Variants in SREK1IP1 observed in about 807,000 individuals in gnomAD.
The protein encoded by SREK1IP1 is SREK1 interacting protein 1.
Under a neutral mutation model 22.8 loss-of-function variants are expected in SREK1IP1, and 12 were observed. That is an observed-to-expected ratio of 0.53 (90% CI 0.34 to 0.85). The LOEUF (loss-of-function observed/expected upper bound fraction) is 0.85. SREK1IP1 is among the 40% of genes least tolerant of loss of function. The pLI is 0.02. For synonymous variants in SREK1IP1, 53 were observed against 52.7 expected (o/e 1.01, Z -0.02); for missense variants, 147 against 171.8 (o/e 0.86, Z 0.81).
intron 1 of SREK1IP1, among the ~76,000 whole-genome samples, chr5:64,755,081 G>C (rs555433801): frequency 6.6e-6 from 1 of 152,262 alleles, no homozygotes; most frequent in Non-Finnish European, 1.5e-5. Flanking sequence ...TGAGGCTGTG[G>C]AGAAATGGTA....
chr5:64,745,225 T>C (rs1477470972), intron 2 of SREK1IP1, among the ~76,000 whole-genome samples: 1 of 152,164 alleles, frequency 6.6e-6, no homozygotes, highest in African/African-American at 2.4e-5. Flanking sequence ...TTTTTCCTCC[T>C]GCATTGTTAC....
At chr5:64,734,063 T>G (rs1306385668) in intron 3 of SREK1IP1, among the ~76,000 whole-genome samples, 1 of 152,054 alleles carries the variant, frequency 6.6e-6, no homozygotes, top group Non-Finnish European at 1.5e-5. Flanking sequence ...ATCAAAGACA[T>G]TATCCTGCTT....
rs1000140548 is a variant in SREK1IP1, at chr5:64,720,894, T to G, written c.*3490A>C. ...CGGAACACACGACTCCTTCCTCCTG[T>G]TCCTAAGAACTTAAAATGGTAGTCT... On this transcript the variant is annotated 3_prime_UTR_variant, in exon 5 of 5. Coordinates refer to ENST00000513458, the MANE Select transcript of SREK1IP1 (RefSeq NM_173829.4). 2.0e-5 allele frequency: 3 copies of G among 152,234 alleles called. No individual in the cohort carries two copies. The highest frequency in any genetic ancestry group is 6.5e-5 in the Admixed American group (1 of 15,280). 9.4% of individuals were successfully genotyped at this position (152,234 alleles called of 1,614,324 possible).
intron 2 of SREK1IP1, among the ~76,000 whole-genome samples, chr5:64,750,301 T>G (rs1186007667): frequency 6.6e-6 from 1 of 152,240 alleles, no homozygotes; most frequent in Non-Finnish European, 1.5e-5. Context: ...TTTTTGATTC[T>G]CATTATGATC....
chr5:64,733,929 T>C (rs2112091292), intron 3 of SREK1IP1, among the ~76,000 whole-genome samples: 1 of 152,120 alleles, frequency 6.6e-6, no homozygotes, highest in Non-Finnish European at 1.5e-5. Context: ...ATTATAAAAA[T>C]AGAGAGCAAA....
intron 2 of SREK1IP1, among the ~76,000 whole-genome samples, chr5:64,743,317 T>C (rs977171919): frequency 2.0e-5 from 3 of 152,196 alleles, no homozygotes; most frequent in African/African-American, 4.8e-5. Context: ...GTTCATAGCC[T>C]AGCAACAATA....
In SREK1IP1 at chr5:64,754,373, A is replaced by G. The variant is rs1742801511; in HGVS notation, c.14-11T>C. On this transcript the variant is annotated splice_polypyrimidine_tract_variant and intron_variant, in intron 1 of 4. Transcript: ENST00000513458. ...TGTCCTTGTTGCAACCTGAAATACA[A>G]TTGGATAGAATTTTAGGAAGTAAAT... The G allele has an allele frequency of 6.2e-7, 1 of 1,612,820 alleles. No homozygotes were observed. The highest frequency in any genetic ancestry group is 8.5e-7 in the Non-Finnish European group (1 of 1,179,170).
At chr5:64,754,233 C>T in intron 2 of SREK1IP1, 82 bp downstream of exon 2, 1 of 1,351,196 alleles carries the variant, frequency 7.4e-7, no homozygotes, top group Non-Finnish European at 1.1e-6. Context: ...CCCCTGAAAT[C>T]AGGGTGCTAC....
At chr5:64,753,566 A>C (rs1048690278) in intron 2 of SREK1IP1, among the ~76,000 whole-genome samples, 6 of 152,158 alleles carry the variant, frequency 3.9e-5, no homozygotes, top group Non-Finnish European at 8.8e-5. Context: ...ATTTATGCCG[A>C]GTACTCTCTT....
chr5:64,754,219 T>C (rs1181160913), intron 2 of SREK1IP1, 96 bp downstream of exon 2: 2 of 1,155,762 alleles, frequency 1.7e-6, no homozygotes, highest in African/African-American at 3.1e-5. Context: ...ACTATGCAAC[T>C]GGGCCCCTGA....
In SREK1IP1 at chr5:64,754,339, C is replaced by G. The variant is rs781586032; in HGVS notation, c.37G>C (p.Ala13Pro). The G allele has an allele frequency of 8.1e-6, 13 of 1,613,828 alleles. No homozygotes were observed. Among genetic ancestry groups the G allele is most frequent in the African/African-American group, 1.3e-5 (1 of 74,912 alleles). Residue 13 changes from alanine to proline, a missense_variant, in exon 2 of 5, where the codon GCA (alanine) becomes CCA (proline). Physicochemically the swap from Ala to Pro is conservative, Grantham distance 27. Around this residue, in one of 3 missense-constraint regions of SREK1IP1, gnomAD observed 62 missense variants for 73.3 expected, o/e 0.85. Transcript: ENST00000513458. ...VPGCNKDSVR[A>P]GCKKCGYPGH... is the part of the protein sequence containing the mutation. ...CGGTAGCCACATTTTTTACAGCCTG[C>G]TCTGACACTGTCCTTGTTGCAACCT...
chr5:64,758,823 ACT>A (rs1561392135), intron 1 of SREK1IP1, among the ~76,000 whole-genome samples: 1 of 152,236 alleles, frequency 6.6e-6, no homozygotes, highest in Non-Finnish European at 1.5e-5. Context: ...CATCATCTTT[ACT>A]AAAGTTGAAA....
chr5:64,741,151 TTTA>T lies in SREK1IP1; in HGVS notation c.108_110del (p.Lys37del). 1 of 1,612,654 alleles carries T rather than the reference TTTA, an allele frequency of 6.2e-7. No individual in the cohort carries two copies. On this transcript the variant is annotated inframe_deletion, in exon 3 of 5. Coordinates refer to ENST00000513458, the MANE Select transcript of SREK1IP1 (RefSeq NM_173829.4). ...TGCTGACATCCAAAACTATGTCCCT[TTTA>T]GGGTCTACTCGGAGAAAATTGCGGC...
At chr5:64,747,317 C>T (rs1161183049) in intron 2 of SREK1IP1, among the ~76,000 whole-genome samples, 2 of 152,150 alleles carry the variant, frequency 1.3e-5, no homozygotes, top group African/African-American at 4.8e-5. Flanking sequence ...GTTCCTCTGG[C>T]AAATGGCCTC....
chr5:64,766,718 T>C (rs4144320), intron 1 of SREK1IP1, among the ~76,000 whole-genome samples: 49,750 of 152,114 alleles, frequency 0.33, 8,498 homozygotes, highest in East Asian at 0.51. Flanking sequence ...GTACACAGTC[T>C]AGAGGAACCA....
At position 64,745,006 on chromosome 5, in the gene SREK1IP1, C is replaced by T. The variant is rs556640933; in HGVS notation, c.62-3806G>A. Among the ~76,000 whole-genome samples, 4 of 152,240 alleles carry T rather than the reference C, an allele frequency of 2.6e-5. No individual in the cohort carries two copies. The South Asian group carries it at 6.2e-4, about 24-fold the overall frequency. On this transcript the variant is annotated intron_variant, in intron 2 of 4. Transcript: ENST00000513458. ...GGAGTCTGACTTTACTTGAGGGGCTCCACCCTTGCCATACTGCCATCCCCA... is the reference window on the plus strand; with the variant it reads ...GGAGTCTGACTTTACTTGAGGGGCTTCACCCTTGCCATACTGCCATCCCCA...
At chr5:64,746,391 T>G (rs1432433000) in intron 2 of SREK1IP1, among the ~76,000 whole-genome samples, 2 of 152,162 alleles carry the variant, frequency 1.3e-5, no homozygotes, top group African/African-American at 4.8e-5. Context: ...AAAACTTTTG[T>G]GCAAAATTAT....
At chr5:64,751,473 T>C (rs924932937) in intron 2 of SREK1IP1, among the ~76,000 whole-genome samples, 4 of 152,166 alleles carry the variant, frequency 2.6e-5, no homozygotes, top group South Asian at 2.1e-4. Context: ...AATTCAGCAA[T>C]GGCAATAAGA....
intron 1 of SREK1IP1, among the ~76,000 whole-genome samples, chr5:64,757,160 A>G (rs1742856109): frequency 1.3e-5 from 2 of 152,366 alleles, no homozygotes; most frequent in South Asian, 4.1e-4. Context: ...CTGTAATCCC[A>G]GCAGTTTGAG....
Sources: gnomAD v4.1 joint callset for allele counts (sites outside exome capture counted in the v4.1 genomes callset) on GRCh38, gnomAD v4.1.1 for gene constraint, gnomAD v4.1.1 regional missense constraint, MANE v1.5 for transcripts, NCBI Gene and HGNC (gene_info 2026-07-23, HGNC 2026-07-21) for gene names.